Variants in IQCH observed in about 807,000 individuals in gnomAD.
IQCH encodes IQ motif containing H.
In IQCH, 98 loss-of-function variants were observed where a neutral mutation model predicts 117.0. The observed-to-expected ratio is 0.84, with a 90% CI of 0.71 to 0.99. The LOEUF is 0.99. IQCH is among the 50% of genes least tolerant of loss of function. The pLI is 0.00. For synonymous variants in IQCH, 412 were observed against 448.2 expected (o/e 0.92, Z 1.02); for missense variants, 1,102 against 1,243.8 (o/e 0.89, Z 1.72).
chr15:67,440,663 G>T (rs2082245538), intron 16 of IQCH, among the ~76,000 whole-genome samples: 1 of 152,106 alleles, frequency 6.6e-6, no homozygotes, highest in Non-Finnish European at 1.5e-5. Context: ...ACAAAATCCA[G>T]CATTCCTTTA....
intron 8 of IQCH, among the ~76,000 whole-genome samples, chr15:67,367,761 G>A (rs1970387284): frequency 6.6e-6 from 1 of 152,022 alleles, no homozygotes; most frequent in East Asian, 1.9e-4. Flanking sequence ...AACACCCGAT[G>A]GGAAGGAAGA....
rs1322053638 is a variant in IQCH, at chr15:67,481,758, G to T, written c.2799+5940G>T. ...ATCTAGAAAAGAACTCCATGTTGTA[G>T]CTATTGCTACTTGTAGCTGATTGAA... On this transcript the variant is annotated intron_variant, in intron 18 of 20. Transcript: ENST00000335894. The surrounding 1 kb of genome is among the most constrained non-coding windows in gnomAD (Gnocchi z 4.1). Among the ~76,000 whole-genome samples the T allele has an allele frequency of 6.6e-6, 1 of 152,216 alleles. No individual in the cohort carries two copies. Among genetic ancestry groups the T allele is most frequent in the Non-Finnish European group, 1.5e-5 (1 of 68,040 alleles).
intron 8 of IQCH, among the ~76,000 whole-genome samples, chr15:67,360,313 C>G (rs983119428): frequency 6.6e-6 from 1 of 152,182 alleles, no homozygotes; most frequent in Non-Finnish European, 1.5e-5. Flanking sequence ...CAACATACTG[C>G]ATGTATGCTG....
At chr15:67,389,326 G>T (rs962626583) in intron 12 of IQCH, among the ~76,000 whole-genome samples, 1 of 152,128 alleles carries the variant, frequency 6.6e-6, no homozygotes, top group African/African-American at 2.4e-5. Context: ...GCAGAGAAAG[G>T]CTGGGCCTGT....
intron 2 of IQCH, among the ~76,000 whole-genome samples, chr15:67,261,896 G>T (rs1965476658): frequency 6.6e-6 from 1 of 152,036 alleles, no homozygotes; most frequent in African/African-American, 2.4e-5. Context: ...GATCAGCCTG[G>T]GCAACATGGC....
Position 67,388,692 on chromosome 15 carries a change from CAAAACCAAACTA to C in IQCH, c.1457-136_1457-125del. 1 of 693,300 alleles carries C rather than the reference CAAAACCAAACTA, an allele frequency of 1.4e-6. No individual in the cohort carries two copies. The highest frequency in any genetic ancestry group is 2.4e-6 in the Non-Finnish European group (1 of 425,338). 42.9% of individuals were successfully genotyped at this position (693,300 alleles called of 1,614,324 possible). ...AGCCAGTTAGATTGCTCAGATAGTA[CAAAACCAAACTA>C]AATTAACCTTAACCTGGGTTTTGGA... On this transcript the variant is annotated intron_variant, in intron 11 of 20. Transcript: ENST00000335894. The surrounding 1 kb of genome is among the most constrained non-coding windows in gnomAD (Gnocchi z 5.5).
Position 67,479,974 on chromosome 15 carries a change from C to T in IQCH, c.2799+4156C>T, listed in dbSNP as rs886881836. On this transcript the variant is annotated intron_variant, in intron 18 of 20. Coordinates refer to ENST00000335894, the MANE Select transcript of IQCH (RefSeq NM_001031715.3). The surrounding 1 kb of genome is among the most constrained non-coding windows in gnomAD (Gnocchi z 4.6). The stretch of plus-strand genomic sequence containing the variant: ...GTAAGCAACTTGGTGGGTCTCATTC[C>T]GGGTATTTCTCTAATGCTACAGAAT... 2.0e-5 allele frequency among the ~76,000 whole-genome samples: 3 copies of T among 152,134 alleles called. No individual in the cohort carries two copies. Among genetic ancestry groups the T allele is most frequent in the African/African-American group, 4.8e-5 (2 of 41,426 alleles).
At chr15:67,371,649 T>A (rs1318609757) in intron 8 of IQCH, 1 of 637,960 alleles carries the variant, frequency 1.6e-6, no homozygotes, top group East Asian at 2.9e-5. Flanking sequence ...TCAGAAACAA[T>A]TTTTAACGGG....
chr15:67,419,088 C>T (rs1320979269), intron 15 of IQCH, among the ~76,000 whole-genome samples: 1 of 152,168 alleles, frequency 6.6e-6, no homozygotes, highest in African/African-American at 2.4e-5. Context: ...TAAGGCTTCA[C>T]CTCTACCTCC....
intron 4 of IQCH, chr15:67,307,351 T>C (rs1399857457): frequency 5.8e-6 from 1 of 172,602 alleles, no homozygotes; most frequent in Admixed American, 6.5e-5. Context: ...TCACAAATCA[T>C]AGTTTCATTC....
intron 3 of IQCH, among the ~76,000 whole-genome samples, chr15:67,271,000 G>A (rs760621866): frequency 2.6e-5 from 4 of 152,122 alleles, no homozygotes; most frequent in South Asian, 2.1e-4. Context: ...TTGAAGTCTC[G>A]CTCTGTTGCC....
At chr15:67,442,856 ATAGATAGATAT>A (rs2082307090) in intron 16 of IQCH, among the ~76,000 whole-genome samples, 1 of 144,022 alleles carries the variant, frequency 6.9e-6, no homozygotes, top group African/African-American at 2.7e-5. Context: ...AGATAGATAG[ATAGATAGATAT>A]ACATATATAT....
chr15:67,378,463 C>A (rs1970812192), intron 10 of IQCH, among the ~76,000 whole-genome samples: 1 of 148,040 alleles, frequency 6.8e-6, no homozygotes, highest in Non-Finnish European at 1.5e-5. Context: ...CATACTAGAT[C>A]CTTGGGATAG....
intron 10 of IQCH, among the ~76,000 whole-genome samples, chr15:67,378,179 T>C (rs868341945): frequency 5.3e-5 from 8 of 151,740 alleles, no homozygotes; most frequent in African/African-American, 1.9e-4. Context: ...AGGGGCAGAG[T>C]GGAGGATGGC....
At chr15:67,414,662 A>ATATATATATATATAT (rs1386303603) in intron 14 of IQCH, among the ~76,000 whole-genome samples, 1 of 146,498 alleles carries the variant, frequency 6.8e-6, no homozygotes, top group Non-Finnish European at 1.5e-5. Flanking sequence ...ACCAAAAAAA[A>ATATATATATATATAT]AATATATATA....
intron 4 of IQCH, among the ~76,000 whole-genome samples, chr15:67,301,297 G>A (rs1236876333): frequency 6.6e-6 from 1 of 150,828 alleles, no homozygotes; most frequent in Non-Finnish European, 1.5e-5. Flanking sequence ...ATACAGCTAT[G>A]CTTATAAGTA....
At chr15:67,304,474 T>C in intron 4 of IQCH, 2 of 1,236,210 alleles carry the variant, frequency 1.6e-6, no homozygotes, top group Non-Finnish European at 2.3e-6. Flanking sequence ...TGAGTTGTTT[T>C]AATGAGCTCT....
intron 4 of IQCH, among the ~76,000 whole-genome samples, chr15:67,290,299 AT>A (rs1966708533): frequency 6.6e-6 from 1 of 152,038 alleles, no homozygotes; most frequent in Admixed American, 6.6e-5. Context: ...GAGATTTACT[AT>A]GCTGGTTTAT....
rs913053666 is a variant in IQCH, at chr15:67,490,741, C to T, written c.2861+677C>T. Among the ~76,000 whole-genome samples the T allele has an allele frequency of 3.3e-5, 5 of 152,166 alleles. No individual in the cohort carries two copies. Among genetic ancestry groups the T allele is most frequent in the Admixed American group, 6.5e-5 (1 of 15,274 alleles). ...TGCTCTGTGCTCTGGTGACTTCACA[C>T]GATGTCCCCCTAACAGGCAGGATCT... On this transcript the variant is annotated intron_variant, in intron 19 of 20. Coordinates refer to ENST00000335894, the MANE Select transcript of IQCH (RefSeq NM_001031715.3). The surrounding 1 kb of genome is among the most constrained non-coding windows in gnomAD (Gnocchi z 4.9).
Sources: gnomAD v4.1 joint callset for allele counts (sites outside exome capture counted in the v4.1 genomes callset) on GRCh38, gnomAD v4.1.1 for gene constraint, Gnocchi (gnomAD v3.1) non-coding constraint, MANE v1.5 for transcripts, NCBI Gene and HGNC (gene_info 2026-07-23, HGNC 2026-07-21) for gene names.